Variants in INTS7 observed in about 807,000 individuals in gnomAD.
INTS7 encodes the protein chromosome 1 open reading frame 73.
Under a neutral mutation model 109.2 loss-of-function variants are expected in INTS7, and 46 were observed. That is an observed-to-expected ratio of 0.42 (90% confidence interval 0.33 to 0.54). The LOEUF is 0.54. Among genes scored for constraint, INTS7 ranks in the 20% least tolerant of loss-of-function variants. The probability of loss-of-function intolerance (pLI) is 0.07; values close to 1 mark genes in which losing one functional copy is unlikely to be tolerated. For synonymous variants in INTS7, 412 were observed against 402.9 expected (o/e 1.02, Z -0.27); for missense variants, 929 against 1,132.4 (o/e 0.82, Z 2.58).
intron 7 of INTS7, among the ~76,000 whole-genome samples, chr1:212,005,173 A>G (rs1665849326): frequency 6.6e-6 from 1 of 152,216 alleles, no homozygotes; most frequent in African/African-American, 2.4e-5. Context: ...ATGGGATAGT[A>G]CATTACAATT....
chr1:212,035,526 T>C lies in INTS7; in HGVS notation c.-89A>G. ...TCTTCCCCCGCCGCCTTCTTGCTGG[T>C]TTTTCTTCCGCGCGCTGTCAAGCCC... On this transcript the variant is annotated 5_prime_UTR_variant, in exon 1 of 20. Coordinates refer to ENST00000366994, the MANE Select transcript of INTS7 (RefSeq NM_015434.4). 1.9e-6 allele frequency: 2 copies of C among 1,059,532 alleles called. No homozygotes were observed. The highest frequency in any genetic ancestry group is 1.5e-6 in the Non-Finnish European group (1 of 685,700). The allele number at this position is 1,059,532 out of a possible 1,614,324, so 65.6% of individuals were successfully genotyped here. A position where few individuals can be genotyped will look rare whatever the true frequency, so the allele number is the denominator to read the frequency against.
chr1:212,025,639 G>A (rs1666883387), intron 1 of INTS7: 1 of 202,072 alleles, frequency 4.9e-6, no homozygotes, highest in African/African-American at 2.3e-5. Flanking sequence ...ACCCAGAGAA[G>A]AGACTGGAAA....
At chr1:212,011,550 G>A (rs968015227) in intron 4 of INTS7, 129 bp from the exon 5 acceptor site, 7 of 649,030 alleles carry the variant, frequency 1.1e-5, no homozygotes, top group Non-Finnish European at 1.9e-5. Flanking sequence ...ATATTCCAAG[G>A]TCAGGTGCTC....
At chr1:211,943,719 G>C (rs1215287871) in intron 19 of INTS7, among the ~76,000 whole-genome samples, 1 of 152,140 alleles carries the variant, frequency 6.6e-6, no homozygotes, top group Non-Finnish European at 1.5e-5. Context: ...TTTAGAACCA[G>C]ACCTTCCCTT....
chr1:211,977,214 A>G (rs1467890358), intron 11 of INTS7, among the ~76,000 whole-genome samples: 2 of 152,212 alleles, frequency 1.3e-5, no homozygotes, highest in Non-Finnish European at 2.9e-5. Flanking sequence ...AGAAGGGAGG[A>G]GATGCTATCA....
chr1:211,988,019 G>A lies in INTS7; in HGVS notation c.880-16C>T. 1 of 1,278,868 alleles carries A rather than the reference G, an allele frequency of 7.8e-7. No individual in the cohort carries two copies. Among genetic ancestry groups the A allele is most frequent in the Admixed American group, 1.8e-5 (1 of 56,294 alleles). 79.2% of individuals were successfully genotyped at this position (1,278,868 alleles called of 1,614,324 possible). On this transcript the variant is annotated splice_polypyrimidine_tract_variant and intron_variant, in intron 7 of 19. Transcript: ENST00000366994. The stretch of plus-strand genomic sequence containing the variant: ...CACAAAGTGCCTGGAATGCAGAAGA[G>A]AAATGAATATAGAAGTTAAAACATC...
At chr1:212,006,508 C>A in intron 7 of INTS7, 131 bp downstream of exon 7, 3 of 388,980 alleles carry the variant, frequency 7.7e-6, no homozygotes, top group Non-Finnish European at 1.4e-5. Context: ...CAAACATCAA[C>A]AATGCTTTTA....
intron 8 of INTS7, among the ~76,000 whole-genome samples, chr1:211,983,926 C>T (rs1382377748): frequency 1.3e-5 from 2 of 151,898 alleles, no homozygotes; most frequent in African/African-American, 4.8e-5. Flanking sequence ...TGGCCTACTA[C>T]AGATCACAGC....
At chr1:211,953,102 G>A (rs1404764217) in intron 16 of INTS7, among the ~76,000 whole-genome samples, 1 of 152,184 alleles carries the variant, frequency 6.6e-6, no homozygotes, top group Admixed American at 6.5e-5. Flanking sequence ...GTCAGAACAT[G>A]GAGGAATGTC....
At position 212,035,476 on chromosome 1, in the gene INTS7, T is replaced by C. The variant is rs1291145258; in HGVS notation, c.-39A>G. On this transcript the variant is annotated 5_prime_UTR_variant, in exon 1 of 20. Transcript: ENST00000366994. ...ACTCGACTAGCCTAGTCAGAAAGCT[T>C]GCAAACTCTACCCCAGGACCGCCAT... is the stretch of plus-strand genomic sequence containing the variant. The C allele has an allele frequency of 6.9e-7, 1 of 1,442,242 alleles. No individual in the cohort carries two copies. The highest frequency in any genetic ancestry group is 9.8e-7 in the Non-Finnish European group (1 of 1,023,468). 89.3% of individuals were successfully genotyped at this position (1,442,242 alleles called of 1,614,324 possible). A position where few individuals can be genotyped will look rare whatever the true frequency, so the allele number is the denominator to read the frequency against.
chr1:212,004,388 T>A (rs1462145851), intron 7 of INTS7, among the ~76,000 whole-genome samples: 1 of 152,046 alleles, frequency 6.6e-6, no homozygotes, highest in African/African-American at 2.4e-5. Flanking sequence ...ATAAGAAACA[T>A]GTGAAACATA....
At chr1:212,007,736 CTCAT>C (rs1665993162) in intron 5 of INTS7, among the ~76,000 whole-genome samples, 1 of 152,146 alleles carries the variant, frequency 6.6e-6, no homozygotes, top group African/African-American at 2.4e-5. Context: ...CCTATTTCCT[CTCAT>C]TGTCATAGTA....
chr1:211,964,081 C>G (rs958468949), intron 16 of INTS7, among the ~76,000 whole-genome samples: 2 of 152,044 alleles, frequency 1.3e-5, no homozygotes, highest in African/African-American at 4.8e-5. Context: ...GATACTATAT[C>G]TAGGAAAGCC....
Position 211,975,331 on chromosome 1 carries a change from C to A in INTS7, c.1650G>T (p.Leu550=). Residue 550 remains leucine, a synonymous_variant, in exon 13 of 20, where the codon CTG becomes CTT. Coordinates refer to ENST00000366994, the MANE Select transcript of INTS7 (RefSeq NM_015434.4). The stretch of plus-strand genomic sequence containing the variant: ...AGAAATGTTCTGAGGCAACCTGAGT[C>A]AGCAAACTCTGATAAAGCTCTTTGG... ...DMAKELYQSL[L]TQVASEHFYF... The A allele has an allele frequency of 3.7e-6, 6 of 1,614,068 alleles. No individual in the cohort carries two copies. The highest frequency in any genetic ancestry group is 5.1e-6 in the Non-Finnish European group (6 of 1,179,980).
At position 211,975,499 on chromosome 1, in the gene INTS7, T is replaced by C. The variant is rs1010801498; in HGVS notation, c.1609-127A>G. 1.1e-5 allele frequency: 7 copies of C among 660,276 alleles called. No individual in the cohort carries two copies. The African/African-American group carries it at 1.3e-4, about 12-fold the overall frequency. 40.9% of individuals were successfully genotyped at this position (660,276 alleles called of 1,614,324 possible). A position where few individuals can be genotyped will look rare whatever the true frequency, so the allele number is the denominator to read the frequency against. ...TTGGATAAGTCTGAACAATCATTCC[T>C]CATATTATGTAATTCGCTGAGACTC... On this transcript the variant is annotated intron_variant, in intron 12 of 19. Coordinates refer to ENST00000366994, the MANE Select transcript of INTS7 (RefSeq NM_015434.4).
At chr1:211,957,355 G>A (rs529855753) in intron 16 of INTS7, among the ~76,000 whole-genome samples, 20 of 152,226 alleles carry the variant, frequency 1.3e-4, no homozygotes, top group African/African-American at 4.8e-4. Context: ...AGACCAGCCT[G>A]ACCAATATGG....
chr1:211,966,484 C>T lies in INTS7; in HGVS notation c.2129G>A (p.Cys710Tyr). ...TTCTATTGCATGAGATATCAGTAAA[C>T]AGCTCTGCTGCTGTCTGGATTGATG... ...LRNVELQQQS[C>Y]LLISHAIEAL... The change falls in exon 16 of 20, where the codon TGT becomes TAT. Residue 710 changes from cysteine to tyrosine, a missense_variant. Cys to Tyr is a radical substitution (Grantham distance 194, BLOSUM62 -2). Transcript: ENST00000366994. 1 of 1,608,192 alleles carries T rather than the reference C, an allele frequency of 6.2e-7. No homozygotes were observed. The highest frequency in any genetic ancestry group is 8.5e-7 in the Non-Finnish European group (1 of 1,175,354).
chr1:211,999,220 T>C (rs1665548773), intron 7 of INTS7, among the ~76,000 whole-genome samples: 1 of 152,204 alleles, frequency 6.6e-6, no homozygotes, highest in Non-Finnish European at 1.5e-5. Flanking sequence ...ACAATCCAAA[T>C]GTCCATCAAC....
chr1:211,943,393 C>A (rs1662714564), intron 19 of INTS7, among the ~76,000 whole-genome samples: 1 of 151,974 alleles, frequency 6.6e-6, no homozygotes, highest in African/African-American at 2.4e-5. Context: ...CAAAGAGAAT[C>A]ATGGTTACTA....
Sources: gnomAD v4.1 joint callset for allele counts (sites outside exome capture counted in the v4.1 genomes callset) on GRCh38, gnomAD v4.1.1 for gene constraint, MANE v1.5 for transcripts, NCBI Gene and HGNC (gene_info 2026-07-23, HGNC 2026-07-21) for gene names.